Variants in AGBL1 observed in about 807,000 individuals in gnomAD.
AGBL1 encodes cytosolic carboxypeptidase 4.
AGBL1 carries 130 observed loss-of-function variants against 118.9 expected under a neutral mutation model. The ratio of observed to expected loss-of-function variants is 1.09; its 90% confidence interval spans 0.95 to 1.26. The LOEUF is 1.26. Ranked by LOEUF, AGBL1 falls within the 50% of genes most tolerant of loss-of-function variation. The pLI, the probability that AGBL1 is intolerant of heterozygous loss-of-function variation, is 0.00. For missense variants in AGBL1, 1,584 were observed against 1,298.1 expected (o/e 1.22, Z -3.38); for synonymous variants, 555 against 478.9 (o/e 1.16, Z -2.08).
intron 21 of AGBL1, among the ~76,000 whole-genome samples, chr15:86,603,872 G>A (rs74025385): frequency 0.014 from 2,204 of 152,076 alleles, 63 homozygotes; most frequent in African/African-American, 0.051. Flanking sequence ...TTCTACTATA[G>A]CCCCTGAGTA....
chr15:86,105,101 A>T (rs1324370440), intron 1 of AGBL1: 1 of 152,126 alleles, frequency 6.6e-6, no homozygotes, highest in East Asian at 1.9e-4. Context: ...TTCTTAGATG[A>T]TCTATTCGAA....
intron 15 of AGBL1, among the ~76,000 whole-genome samples, chr15:86,272,639 T>A (rs930894729): frequency 6.6e-5 from 10 of 152,066 alleles, no homozygotes; most frequent in African/African-American, 2.4e-4. Flanking sequence ...GGAGTATTGA[T>A]AGATGGGAAA....
At chr15:86,791,731 TA>T (rs1476255747) in intron 22 of AGBL1, among the ~76,000 whole-genome samples, 7 of 51,074 alleles carry the variant, frequency 1.4e-4, no homozygotes, top group Admixed American at 3.9e-4. Flanking sequence ...TTGTTTTTTA[TA>T]TATATATATA....
At chr15:86,418,222 A>G (rs1390740710) in intron 18 of AGBL1, among the ~76,000 whole-genome samples, 1 of 152,230 alleles carries the variant, frequency 6.6e-6, no homozygotes, top group Non-Finnish European at 1.5e-5. Context: ...ACAGTGTACT[A>G]GAAGACATAT....
chr15:86,270,005 C>T lies in AGBL1; in HGVS notation c.1925C>T (p.Ala642Val), dbSNP rs377383541. Reference sequence around the variant, plus strand: ...TATTTCAAAGTGAGCGGTATGCAGGCGGCCATCCCTTACCACTTCAACATC... The same window carrying T: ...TATTTCAAAGTGAGCGGTATGCAGGTGGCCATCCCTTACCACTTCAACATC... ...WFYFKVSGMQ[A>V]AIPYHFNIIN... The change falls in exon 14 of 23, where the codon GCG becomes GTG. Residue 642 changes from alanine (A) to valine (V), a missense_variant. Transcript: ENST00000614907. 42 of 1,613,418 alleles carry T rather than the reference C, an allele frequency of 2.6e-5. 1 individual carries two copies. The Middle Eastern group carries it at 4.9e-4, about 19-fold the overall frequency.
chr15:86,858,687 C>G (rs565392622), intron 22 of AGBL1, among the ~76,000 whole-genome samples: 40 of 152,136 alleles, frequency 2.6e-4, no homozygotes, highest in Non-Finnish European at 5.3e-4. Flanking sequence ...GTAACAGGGA[C>G]AGGCTCAAGA....
chr15:86,335,515 C>T (rs2080352925), intron 17 of AGBL1, among the ~76,000 whole-genome samples: 1 of 152,098 alleles, frequency 6.6e-6, no homozygotes, highest in Non-Finnish European at 1.5e-5. Context: ...AATATATTGG[C>T]TAATAATTTT....
chr15:86,224,328 G>A (rs2141928219), intron 5 of AGBL1, among the ~76,000 whole-genome samples: 2 of 152,172 alleles, frequency 1.3e-5, no homozygotes, highest in African/African-American at 4.8e-5. Context: ...TCCCTTTGTT[G>A]CAAAGACTGT....
rs1372865884 is a variant in AGBL1 at position 86,808,507 on chromosome 15, G to C, written c.3159-98580G>C. On this transcript the variant is annotated intron_variant, in intron 22 of 22. Coordinates refer to ENST00000614907, the MANE Select transcript of AGBL1 (RefSeq NM_001386094.1). ...TATAAACCTCTTCCACATCTGCTAA[G>C]ATGAAAAACTGATTTTTACTCAGTT... is the stretch of plus-strand genomic sequence containing the variant. 2.0e-5 allele frequency among the ~76,000 whole-genome samples: 3 copies of C among 152,096 alleles called. No homozygotes were observed. In the East Asian group the frequency reaches 5.8e-4, roughly 29 times the overall value.
intron 23 of AGBL1, among the ~76,000 whole-genome samples, chr15:86,937,112 C>T (rs2080685801): frequency 6.6e-6 from 1 of 152,194 alleles, no homozygotes; most frequent in Non-Finnish European, 1.5e-5. Flanking sequence ...GATATCATCT[C>T]ACACCTCTAA....
chr15:86,723,183 T>C (rs2086757174), intron 22 of AGBL1, among the ~76,000 whole-genome samples: 1 of 152,224 alleles, frequency 6.6e-6, no homozygotes. Context: ...TAAATCATGC[T>C]GTTATAAAGA....
intron 1 of AGBL1, among the ~76,000 whole-genome samples, chr15:86,131,177 A>T (rs1166673801): frequency 6.6e-6 from 1 of 152,192 alleles, no homozygotes; most frequent in Non-Finnish European, 1.5e-5. Context: ...CTATTTCTTA[A>T]TCATCAAGCT....
rs1459872868 is a variant in AGBL1 at position 86,913,936 on chromosome 15, T to A, written c.*6642T>A. Reference sequence around the variant, plus strand: ...ATTCTACATGGGGGGATTTCAATGATCTTTTATAGTCTCTAGGCTCTTATG... The same window carrying A: ...ATTCTACATGGGGGGATTTCAATGAACTTTTATAGTCTCTAGGCTCTTATG... On this transcript the variant is annotated 3_prime_UTR_variant, in exon 23 of 23. Transcript: ENST00000614907. The A allele has an allele frequency of 6.6e-6, 1 of 152,198 alleles. No homozygotes were observed. The highest frequency in any genetic ancestry group is 2.4e-5 in the African/African-American group (1 of 41,450). The allele number at this position is 152,198 out of a possible 1,614,324, so 9.4% of individuals were successfully genotyped here. A position where few individuals can be genotyped will look rare whatever the true frequency, so the allele number is the denominator to read the frequency against.
chr15:86,283,810 A>T (rs2079395031), intron 16 of AGBL1, among the ~76,000 whole-genome samples: 1 of 152,128 alleles, frequency 6.6e-6, no homozygotes, highest in African/African-American at 2.4e-5. Flanking sequence ...ATGTGCATGA[A>T]TGGTACAGTC....
At chr15:87,020,645 C>A in intron 24 of AGBL1, among the ~76,000 whole-genome samples, 1 of 152,122 alleles carries the variant, frequency 6.6e-6, no homozygotes, top group East Asian at 1.9e-4. Context: ...GCAACTTCAG[C>A]AAAGTCTCAG....
In AGBL1 at chr15:86,911,271, GA is replaced by G. The variant is rs2080347030; in HGVS notation, c.*3978del. On this transcript the variant is annotated 3_prime_UTR_variant, in exon 23 of 23. Transcript: ENST00000614907. ...GCTGTGGGGGCCTGCAGCTTCATGG[GA>G]CAGCCTGGTAAAACTTCTCTGATGG... 1 of 153,880 alleles carries G rather than the reference GA, an allele frequency of 6.5e-6. No homozygotes were observed. The highest frequency in any genetic ancestry group is 2.4e-5 in the African/African-American group (1 of 41,460). The allele number at this position is 153,880 out of a possible 1,614,324, so 9.5% of individuals were successfully genotyped here.
intron 5 of AGBL1, among the ~76,000 whole-genome samples, chr15:86,180,018 G>A (rs997958850): frequency 1.8e-4 from 28 of 151,688 alleles, no homozygotes; most frequent in Admixed American, 1.8e-3. Context: ...TACACTGCAA[G>A]CTACAAAACA....
intron 22 of AGBL1, among the ~76,000 whole-genome samples, chr15:86,855,677 A>G (rs1166640034): frequency 6.6e-6 from 1 of 152,238 alleles, no homozygotes; most frequent in East Asian, 1.9e-4. Context: ...ATTTAAATGC[A>G]GTGTAATTAG....
chr15:86,695,060 TTTG>T lies in AGBL1; in HGVS notation c.3158+20627_3158+20629del, dbSNP rs1218313872. Among the ~76,000 whole-genome samples, 3 of 152,094 alleles carry T rather than the reference TTTG, an allele frequency of 2.0e-5. No homozygotes were observed. The South Asian group carries it at 6.2e-4, about 31-fold the overall frequency. Reference sequence around the variant, plus strand: ...GGATATTGGTCTGTAGTTTTCTTTTTTTGTTATGTCTTTTCCCGGTTTGGGCAT... The same window carrying T: ...GGATATTGGTCTGTAGTTTTCTTTTTTTATGTCTTTTCCCGGTTTGGGCAT... On this transcript the variant is annotated intron_variant, in intron 22 of 22. Transcript: ENST00000614907.
Sources: allele counts gnomAD v4.1 joint callset (sites outside exome capture counted in the v4.1 genomes callset), GRCh38; gene constraint gnomAD v4.1.1; transcripts MANE v1.5; gene names NCBI Gene and HGNC (gene_info 2026-07-23, HGNC 2026-07-21).